Variants in PLD1 observed in about 807,000 individuals in gnomAD.
The protein encoded by PLD1 is phospholipase D1, also known as choline phosphatase 1.
Under a neutral mutation model 137.1 loss-of-function variants are expected in PLD1, and 112 were observed. That is an observed-to-expected ratio of 0.82 (90% CI 0.70 to 0.96). The LOEUF (loss-of-function observed/expected upper bound fraction) is 0.96. PLD1 is among the 40% of genes least tolerant of loss of function. The pLI is 0.00. For missense variants in PLD1, 1,321 were observed against 1,342.0 expected (o/e 0.98, Z 0.24); for synonymous variants, 431 against 454.7 (o/e 0.95, Z 0.66).
rs142393857 is a variant in PLD1 at position 171,719,458 on chromosome 3, G to A, written c.758+5238C>T. On this transcript the variant is annotated intron_variant, in intron 8 of 26. Transcript: ENST00000351298. Reference sequence around the variant, plus strand: ...CAGCCCAGAGCAAGCTTTCAGGCAAGGCCACCATCTCGCCTAAATAATGGC... The same window carrying A: ...CAGCCCAGAGCAAGCTTTCAGGCAAAGCCACCATCTCGCCTAAATAATGGC... 1.3e-4 allele frequency among the ~76,000 whole-genome samples: 20 copies of A among 152,292 alleles called. No homozygotes were observed. The East Asian group carries it at 3.9e-3, about 29-fold the overall frequency.
chr3:171,734,890 C>G lies in PLD1; in HGVS notation c.515G>C (p.Arg172Thr), dbSNP rs759840625. 10 of 1,610,560 alleles carry G rather than the reference C, an allele frequency of 6.2e-6. No individual in the cohort carries two copies. The highest frequency in any genetic ancestry group is 8.5e-6 in the Non-Finnish European group (10 of 1,176,902). The part of the protein sequence containing the change: ...SLPRSSENMI[R>T]EEQFLGRRKQ... The stretch of plus-strand genomic sequence containing the variant: ...TCTTCTACCAAGGAATTGTTCTTCT[C>G]TTATCATGTTTTCAGATGAACGGGG... The change falls in exon 5 of 27, where the codon AGA becomes ACA. Residue 172 changes from arginine to threonine, a missense_variant. Transcript: ENST00000351298.
At chr3:171,648,685 G>A (rs1736474232) in intron 21 of PLD1, among the ~76,000 whole-genome samples, 6 of 151,966 alleles carry the variant, frequency 3.9e-5, no homozygotes, top group Admixed American at 3.9e-4. Context: ...TTCCCGAGTA[G>A]CTGGCGCTAC....
chr3:171,678,549 C>A (rs1402776979), intron 16 of PLD1, among the ~76,000 whole-genome samples: 1 of 152,082 alleles, frequency 6.6e-6, no homozygotes, highest in Non-Finnish European at 1.5e-5. Flanking sequence ...GCACTTGGCA[C>A]AAAAGAGGCA....
chr3:171,641,719 C>T (rs1394409827), intron 23 of PLD1, among the ~76,000 whole-genome samples: 1 of 152,124 alleles, frequency 6.6e-6, no homozygotes, highest in Non-Finnish European at 1.5e-5. Flanking sequence ...CTCAAGTCAT[C>T]CCTCATAATC....
At chr3:171,629,411 C>T (rs890325663) in intron 23 of PLD1, among the ~76,000 whole-genome samples, 5 of 152,118 alleles carry the variant, frequency 3.3e-5, no homozygotes, top group African/African-American at 1.2e-4. Flanking sequence ...TAGGAAGAAT[C>T]AATATCATGA....
intron 1 of PLD1, among the ~76,000 whole-genome samples, chr3:171,750,495 T>TA (rs1720576223): frequency 6.6e-6 from 1 of 152,062 alleles, no homozygotes; most frequent in South Asian, 2.1e-4. Context: ...GAAATAATGA[T>TA]AAAAAATTCA....
intron 1 of PLD1, among the ~76,000 whole-genome samples, chr3:171,744,849 C>T (rs573791439): frequency 1.3e-5 from 2 of 152,200 alleles, no homozygotes; most frequent in Non-Finnish European, 2.9e-5. Flanking sequence ...AAAACCAAGG[C>T]AGCTTTATGC....
chr3:171,607,723 A>G (rs1732316459), intron 25 of PLD1, among the ~76,000 whole-genome samples: 1 of 152,200 alleles, frequency 6.6e-6, no homozygotes, highest in African/African-American at 2.4e-5. Context: ...CCTCATATCT[A>G]TCACTTTAAA....
intron 1 of PLD1, among the ~76,000 whole-genome samples, chr3:171,779,336 A>T (rs6445028): frequency 0.86 from 131,654 of 152,212 alleles, 57,283 homozygotes; most frequent in Middle Eastern, 0.96. Context: ...CAAGAAGATT[A>T]TCTGATGTGG....
intron 1 of PLD1, chr3:171,809,643 G>C (rs981654697): frequency 6.6e-6 from 1 of 152,450 alleles, no homozygotes; most frequent in African/African-American, 2.4e-5. Context: ...TCCGAGATGA[G>C]GAGGAGCAAA....
intron 16 of PLD1, among the ~76,000 whole-genome samples, chr3:171,681,551 A>G (rs923612719): frequency 3.3e-5 from 5 of 152,212 alleles, no homozygotes; most frequent in African/African-American, 1.2e-4. Flanking sequence ...CATATGTTCA[A>G]GGCCAGTTCC....
intron 1 of PLD1, among the ~76,000 whole-genome samples, chr3:171,756,621 T>A (rs1721052641): frequency 6.6e-6 from 1 of 152,340 alleles, no homozygotes; most frequent in South Asian, 2.1e-4. Flanking sequence ...AGTTGACAGA[T>A]TATTGATTCA....
chr3:171,646,536 T>C (rs760807789), intron 21 of PLD1, among the ~76,000 whole-genome samples: 1 of 152,080 alleles, frequency 6.6e-6, no homozygotes, highest in Non-Finnish European at 1.5e-5. Context: ...TGTAATGGCA[T>C]GGATTATTCA....
At chr3:171,741,886 T>C (rs926395134) in intron 1 of PLD1, among the ~76,000 whole-genome samples, 7 of 152,166 alleles carry the variant, frequency 4.6e-5, no homozygotes, top group Non-Finnish European at 8.8e-5. Flanking sequence ...CAAAATACAA[T>C]AATAATATCA....
chr3:171,687,415 T>C lies in PLD1; in HGVS notation c.1709A>G (p.His570Arg). The change falls in exon 15 of 27, where the codon CAC becomes CGC. Residue 570 changes from histidine (H) to arginine (R), a missense_variant. His to Arg is a conservative substitution (Grantham distance 29, BLOSUM62 0). Coordinates refer to ENST00000351298, the MANE Select transcript of PLD1 (RefSeq NM_002662.5). ...FSLYKQLHRHHLHDADSISSI... is the reference protein window; with the variant it reads ...FSLYKQLHRHRLHDADSISSI... ...GCTGATGCTATCTGCGTCGTGCAGG[T>C]GGTGCCTGTGGAGCTGCTTGTAGAG... 6.2e-7 allele frequency: 1 copy of C among 1,614,012 alleles called. No homozygotes were observed.
chr3:171,763,424 A>G (rs1350776027), intron 1 of PLD1, among the ~76,000 whole-genome samples: 1 of 141,388 alleles, frequency 7.1e-6, no homozygotes, highest in African/African-American at 2.6e-5. Flanking sequence ...CTCTGGCTCT[A>G]AAACAGAGAA....
At chr3:171,646,810 G>A (rs1245521960) in intron 21 of PLD1, among the ~76,000 whole-genome samples, 1 of 151,962 alleles carries the variant, frequency 6.6e-6, no homozygotes, top group Non-Finnish European at 1.5e-5. Context: ...CAGAATTCAG[G>A]ATTATACTGC....
rs180937088 is a variant in PLD1 at position 171,671,999 on chromosome 3, C to A, written c.2229+2501G>T. On this transcript the variant is annotated intron_variant, in intron 19 of 26. Transcript: ENST00000351298. Reference sequence around the variant, plus strand: ...GTGTAGCCCCCACCCCGCCCCCGCCCTGGCCTTATGCTGTCTAACTTCATC... The same window carrying A: ...GTGTAGCCCCCACCCCGCCCCCGCCATGGCCTTATGCTGTCTAACTTCATC... 1.9e-4 allele frequency among the ~76,000 whole-genome samples: 29 copies of A among 150,276 alleles called. No individual in the cohort carries two copies. In the East Asian group the frequency reaches 5.5e-3, roughly 29 times the overall value.
chr3:171,742,267 C>T (rs1719833180), intron 1 of PLD1, among the ~76,000 whole-genome samples: 3 of 152,044 alleles, frequency 2.0e-5, no homozygotes, highest in Admixed American at 1.3e-4. Context: ...GCTCTCTTGC[C>T]CAGGCTGCAG....
Sources: allele counts gnomAD v4.1 joint callset (sites outside exome capture counted in the v4.1 genomes callset), GRCh38; gene constraint gnomAD v4.1.1; transcripts MANE v1.5; gene names NCBI Gene and HGNC (gene_info 2026-07-23, HGNC 2026-07-21).